EIPR1: variants seen among roughly 807,000 people sequenced by gnomAD.
EIPR1 encodes the protein EARP and GARP complex-interacting protein 1.
EIPR1 carries 25 observed loss-of-function variants against 48.1 expected under a neutral mutation model. The ratio of observed to expected loss-of-function variants is 0.52; its 90% CI spans 0.38 to 0.73. The LOEUF is 0.73. Ranked by LOEUF, EIPR1 falls within the 30% of genes least tolerant of loss-of-function variation. EIPR1 has a pLI of 0.00. For synonymous variants in EIPR1, 204 were observed against 201.9 expected, an observed-to-expected ratio of 1.01 and a Z score of -0.09; for missense variants, 415 against 506.2, an observed-to-expected ratio of 0.82 and a Z score of 1.73.
chr2:3,229,703 C>G (rs1666178615), intron 4 of EIPR1, among the ~76,000 whole-genome samples: 1 of 152,224 alleles, frequency 6.6e-6, no homozygotes, highest in Admixed American at 6.5e-5. Context: ...TCCACTCTTT[C>G]AATACACAAT....
chr2:3,324,437 TCAGGATG>T (rs1438141179), intron 3 of EIPR1, among the ~76,000 whole-genome samples: 1 of 152,220 alleles, frequency 6.6e-6, no homozygotes, highest in African/African-American at 2.4e-5. Flanking sequence ...CTGCTGCTCC[TCAGGATG>T]CAGGATGCTG....
chr2:3,290,706 C>A (rs542720716), intron 3 of EIPR1, among the ~76,000 whole-genome samples: 2 of 152,336 alleles, frequency 1.3e-5, no homozygotes, highest in African/African-American at 4.8e-5. Flanking sequence ...CTCCTCACTG[C>A]ACAGGCAGCC....
rs1396348279 is a variant in EIPR1, at chr2:3,194,530, T to C, written c.654-364A>G. ...CACTGAGCCAGACATTTGGACAGGA[T>C]GCCTGACACATTTCTGGAAGGACAC... On this transcript the variant is annotated intron_variant, in intron 6 of 8. Transcript: ENST00000382125. The C allele has an allele frequency of 2.2e-5, 4 of 179,784 alleles. No homozygotes were observed. The East Asian group carries it at 5.5e-4, about 25-fold the overall frequency. 11.1% of individuals were successfully genotyped at this position (179,784 alleles called of 1,614,324 possible). A position where few individuals can be genotyped will look rare whatever the true frequency, so the allele number is the denominator to read the frequency against.
At chr2:3,233,506 C>T (rs1312309088) in intron 4 of EIPR1, among the ~76,000 whole-genome samples, 2 of 152,142 alleles carry the variant, frequency 1.3e-5, no homozygotes, top group East Asian at 3.9e-4. Context: ...TGCATTTCCC[C>T]CGGCATTCTC....
At chr2:3,276,905 A>G (rs1242714546) in intron 3 of EIPR1, among the ~76,000 whole-genome samples, 1 of 152,216 alleles carries the variant, frequency 6.6e-6, no homozygotes, top group Non-Finnish European at 1.5e-5. Context: ...AGATTAATTT[A>G]CTGAAATTTC....
At chr2:3,359,826 G>A (rs1457636369) in intron 1 of EIPR1, among the ~76,000 whole-genome samples, 1 of 152,172 alleles carries the variant, frequency 6.6e-6, no homozygotes, top group Non-Finnish European at 1.5e-5. Flanking sequence ...CACACATTCT[G>A]TCTTGGTTCA....
intron 5 of EIPR1, among the ~76,000 whole-genome samples, chr2:3,200,812 G>C (rs553251405): frequency 2.6e-5 from 4 of 152,280 alleles, no homozygotes; most frequent in Non-Finnish European, 5.9e-5. Context: ...AACAGTGGGG[G>C]CAGGGCTGGA....
intron 3 of EIPR1, among the ~76,000 whole-genome samples, chr2:3,288,720 C>T (rs994888332): frequency 6.6e-6 from 1 of 152,254 alleles, no homozygotes; most frequent in African/African-American, 2.4e-5. Context: ...CCAGGAAACA[C>T]TGCTCAGCAG....
At chr2:3,335,420 C>G (rs1376413623) in intron 3 of EIPR1, among the ~76,000 whole-genome samples, 1 of 151,956 alleles carries the variant, frequency 6.6e-6, no homozygotes, top group East Asian at 1.9e-4. Flanking sequence ...CCCTGCAGGA[C>G]CATGGAGGCA....
chr2:3,207,610 G>A (rs1312671738), intron 5 of EIPR1, among the ~76,000 whole-genome samples: 1 of 152,246 alleles, frequency 6.6e-6, no homozygotes, highest in Non-Finnish European at 1.5e-5. Context: ...ACAGGGTGCT[G>A]ATGGGGAGCC....
At chr2:3,345,806 C>T (rs1468906392) in intron 2 of EIPR1, among the ~76,000 whole-genome samples, 4 of 151,990 alleles carry the variant, frequency 2.6e-5, no homozygotes, top group South Asian at 2.1e-4. Flanking sequence ...GAAGGGAATG[C>T]GGCCCCGGGG....
intron 5 of EIPR1, chr2:3,208,712 T>C: frequency 6.5e-7 from 1 of 1,550,204 alleles, no homozygotes; most frequent in Non-Finnish European, 8.7e-7. Flanking sequence ...CGGCGGGTCC[T>C]TCTTCCATGC....
rs552278357 is a variant in EIPR1 at position 3,205,096 on chromosome 2, G to A, written c.517-8079C>T. 1.5e-3 allele frequency among the ~76,000 whole-genome samples: 229 copies of A among 152,314 alleles called. 1 individual carries two copies. Among genetic ancestry groups the A allele is most frequent in the South Asian group, 2.5e-3 (12 of 4,830 alleles). On this transcript the variant is annotated intron_variant, in intron 5 of 8. Transcript: ENST00000382125. Reference sequence around the variant, plus strand: ...ACAGCAAGGCTGTGGTGTCTAGGGCGCAGGACGTATGAAGCACCTGGTGCA... The same window carrying A: ...ACAGCAAGGCTGTGGTGTCTAGGGCACAGGACGTATGAAGCACCTGGTGCA...
chr2:3,258,323 A>G (rs553506518), intron 3 of EIPR1, among the ~76,000 whole-genome samples: 1 of 152,344 alleles, frequency 6.6e-6, no homozygotes, highest in Admixed American at 6.5e-5. Flanking sequence ...GAATTCTTGA[A>G]CATAAATCCT....
Position 3,213,192 on chromosome 2 carries a change from G to A in EIPR1, c.516+957C>T, listed in dbSNP as rs114561327. ...ATCGCTTTGACTGTGTGCCGGCAAC[G>A]CAGCCCCCAAGGTATAAATGACATT... is the stretch of plus-strand genomic sequence containing the variant. On this transcript the variant is annotated intron_variant, in intron 5 of 8. Coordinates refer to ENST00000382125, the MANE Select transcript of EIPR1 (RefSeq NM_003310.5). 4.0e-3 allele frequency among the ~76,000 whole-genome samples: 609 copies of A among 152,294 alleles called. 6 individuals are homozygous for A. The highest frequency in any genetic ancestry group is 0.014 in the African/African-American group (589 of 41,556).
chr2:3,273,270 G>T (rs1357216690), intron 3 of EIPR1, among the ~76,000 whole-genome samples: 2 of 152,128 alleles, frequency 1.3e-5, no homozygotes, highest in African/African-American at 2.4e-5. Flanking sequence ...TGAAGAATAC[G>T]ACTGGGAGCA....
intron 4 of EIPR1, among the ~76,000 whole-genome samples, chr2:3,227,781 C>T (rs1464241131): frequency 6.6e-6 from 1 of 152,252 alleles, no homozygotes; most frequent in African/African-American, 2.4e-5. Flanking sequence ...CCAGCTGCTG[C>T]TGCTCCAGCT....
intron 4 of EIPR1, among the ~76,000 whole-genome samples, chr2:3,250,941 CTT>C (rs1223650407): frequency 6.8e-6 from 1 of 147,502 alleles, no homozygotes; most frequent in African/African-American, 2.5e-5. Context: ...AAATAAACCT[CTT>C]TTTTTTTTTA....
intron 2 of EIPR1, among the ~76,000 whole-genome samples, chr2:3,354,178 A>AC (rs1274827271): frequency 6.6e-6 from 1 of 152,124 alleles, no homozygotes; most frequent in Non-Finnish European, 1.5e-5. Context: ...GTTGTGACAC[A>AC]CCCCACACTC....
Sources: allele counts gnomAD v4.1 joint callset (sites outside exome capture counted in the v4.1 genomes callset), GRCh38; gene constraint gnomAD v4.1.1; transcripts MANE v1.5; gene names NCBI Gene and HGNC (gene_info 2026-07-23, HGNC 2026-07-21).